The following CELF2 variants were observed in gnomAD, a reference collection of about 807,000 sequenced individuals.
The protein encoded by CELF2 is CUGBP Elav-like family member 2.
A neutral mutation model predicts 62.6 loss-of-function variants in CELF2; 8 were observed. That is an observed-to-expected ratio of 0.13 (90% confidence interval 0.07 to 0.23). CELF2 has a LOEUF of 0.23. CELF2 is among the 10% of genes least tolerant of loss of function. The pLI, the probability that CELF2 is intolerant of heterozygous loss-of-function variation, is 1.00. For missense variants in CELF2, 333 were observed against 671.0 expected, an observed-to-expected ratio of 0.50 and a Z score of 5.56; for synonymous variants, 258 against 250.0, an observed-to-expected ratio of 1.03 and a Z score of -0.30.
chr10:10,725,807 G>T, the CELF2 span, among the ~76,000 whole-genome samples: 1 of 151,588 alleles, frequency 6.6e-6, no homozygotes, highest in African/African-American at 2.4e-5. Flanking sequence ...GCTCCAGTTC[G>T]CTTCCTTCCT....
chr10:10,694,729 G>T, the CELF2 span, among the ~76,000 whole-genome samples: 4 of 151,892 alleles, frequency 2.6e-5, no homozygotes, highest in South Asian at 8.3e-4. Flanking sequence ...AGGATAGTTA[G>T]CTCTTCTTGT....
chr10:11,019,895 C>G (rs1057288948), intron 1 of CELF2, among the ~76,000 whole-genome samples: 3 of 152,130 alleles, frequency 2.0e-5, no homozygotes, highest in African/African-American at 7.2e-5. Flanking sequence ...GCTAGAGGGT[C>G]CAGGCTAAAC....
At chr10:10,860,185 A>G (rs1469148583) in intron 1 of CELF2, among the ~76,000 whole-genome samples, 1 of 152,204 alleles carries the variant, frequency 6.6e-6, no homozygotes, top group Non-Finnish European at 1.5e-5. Context: ...CTGGATTTTC[A>G]TGTATACTTG....
At chr10:10,741,896 C>T in the CELF2 span, among the ~76,000 whole-genome samples, 2 of 152,248 alleles carry the variant, frequency 1.3e-5, no homozygotes, top group African/African-American at 2.4e-5. Flanking sequence ...ACAATTGTTA[C>T]TGTGTTGTTT....
chr10:11,193,522 G>A (rs2056587624), intron 2 of CELF2, among the ~76,000 whole-genome samples: 1 of 152,212 alleles, frequency 6.6e-6, no homozygotes, highest in Non-Finnish European at 1.5e-5. Context: ...GGTAAGTTCT[G>A]TGTTCCTGCT....
chr10:10,751,224 C>T, the CELF2 span, among the ~76,000 whole-genome samples: 2 of 152,184 alleles, frequency 1.3e-5, no homozygotes, highest in Non-Finnish European at 2.9e-5. Context: ...TCTGGTGCCT[C>T]TTTGTCCTTT....
the CELF2 span, among the ~76,000 whole-genome samples, chr10:10,767,273 G>T: frequency 1.3e-5 from 2 of 151,718 alleles, no homozygotes; most frequent in Non-Finnish European, 2.9e-5. Context: ...CTCAAGGACG[G>T]GTTTCACTAC....
chr10:11,013,391 A>T (rs762480710), upstream of CELF2, among the ~76,000 whole-genome samples: 1 of 152,226 alleles, frequency 6.6e-6, no homozygotes, highest in Non-Finnish European at 1.5e-5. This position sits in a 1 kb window ranked among gnomAD's most constrained non-coding sequence, Gnocchi z 4.1. Context: ...TGAGAGATCC[A>T]CAGTGCTAAC....
chr10:10,932,299 T>C (rs1342262483), intron 2 of CELF2, among the ~76,000 whole-genome samples: 2 of 152,078 alleles, frequency 1.3e-5, no homozygotes, highest in Non-Finnish European at 2.9e-5. Flanking sequence ...GTACAGAGAT[T>C]CACTGGACAG....
At chr10:10,909,663 T>C (rs928063688) in intron 1 of CELF2, among the ~76,000 whole-genome samples, 3 of 152,222 alleles carry the variant, frequency 2.0e-5, no homozygotes, top group African/African-American at 4.8e-5. Flanking sequence ...CAGTCACAAA[T>C]ATTGGCATTG....
intron 2 of CELF2, among the ~76,000 whole-genome samples, chr10:10,969,974 T>G (rs1239639905): frequency 3.9e-5 from 6 of 152,214 alleles, no homozygotes; most frequent in Non-Finnish European, 7.3e-5. Flanking sequence ...ACAAGGATGC[T>G]TCACCAAGCC....
At chr10:10,909,206 T>C (rs2063598190) in intron 1 of CELF2, among the ~76,000 whole-genome samples, 1 of 152,230 alleles carries the variant, frequency 6.6e-6, no homozygotes. Flanking sequence ...GCTGTCCTTT[T>C]GACTGAGGTC....
intron 3 of CELF2, among the ~76,000 whole-genome samples, chr10:11,231,037 A>T (rs941765023): frequency 6.6e-6 from 1 of 152,356 alleles, no homozygotes; most frequent in Admixed American, 6.5e-5. Flanking sequence ...CATGAATGCT[A>T]GAGTGGAATA....
At chr10:10,680,989 A>C in the CELF2 span, among the ~76,000 whole-genome samples, 3 of 152,238 alleles carry the variant, frequency 2.0e-5, no homozygotes, top group African/African-American at 7.2e-5. Flanking sequence ...TTCCTCATGT[A>C]AATAATAATT....
chr10:10,581,740 G>T, the CELF2 span, among the ~76,000 whole-genome samples: 8 of 152,104 alleles, frequency 5.3e-5, no homozygotes, highest in East Asian at 1.9e-4. Flanking sequence ...GATTAAAAGG[G>T]TCACATAGGC....
chr10:11,299,590 T>C (rs1440992855), intron 9 of CELF2, among the ~76,000 whole-genome samples: 1 of 152,218 alleles, frequency 6.6e-6, no homozygotes, highest in Non-Finnish European at 1.5e-5. Context: ...CATTAAATGC[T>C]ACAGCTGCTG....
chr10:11,120,571 A>C (rs1355264197), intron 1 of CELF2, among the ~76,000 whole-genome samples: 3 of 151,832 alleles, frequency 2.0e-5, no homozygotes, highest in African/African-American at 7.3e-5. Flanking sequence ...TCCCCACCAG[A>C]AGTACCAGCT....
At chr10:10,977,054 G>A (rs560199804) in intron 2 of CELF2, among the ~76,000 whole-genome samples, 214 of 152,246 alleles carry the variant, frequency 1.4e-3, no homozygotes, top group Middle Eastern at 3.4e-3. Flanking sequence ...ATATCCTTCT[G>A]TCAGGAGCTC....
At chr10:11,176,877 G>C (rs1352229129) in intron 2 of CELF2, among the ~76,000 whole-genome samples, 1 of 152,190 alleles carries the variant, frequency 6.6e-6, no homozygotes, top group African/African-American at 2.4e-5. Flanking sequence ...ACTCAGTTTT[G>C]AAGATGGTGG....
Sources: allele counts gnomAD v4.1 joint callset (sites outside exome capture counted in the v4.1 genomes callset), GRCh38; gene constraint gnomAD v4.1.1; non-coding constraint Gnocchi (gnomAD v3.1); transcripts MANE v1.5; gene names NCBI Gene and HGNC (gene_info 2026-07-23, HGNC 2026-07-21).